MGAT4C: variants seen among roughly 807,000 people sequenced by gnomAD.
MGAT4C encodes the protein alpha-1,3-mannosyl-glycoprotein 4-beta-N-acetylglucosaminyltransferase C.
A neutral mutation model predicts 40.1 loss-of-function variants in MGAT4C; 19 were observed. The observed-to-expected ratio is 0.47, with a 90% CI of 0.33 to 0.70. The LOEUF (loss-of-function observed/expected upper bound fraction) is 0.70, where lower values mean the gene tolerates loss of function less well. Among genes scored for constraint, MGAT4C ranks in the 30% least tolerant of loss-of-function variants. The pLI, the probability that MGAT4C is intolerant of heterozygous loss-of-function variation, is 0.02. For synonymous variants in MGAT4C, 181 were observed against 187.1 expected (o/e 0.97, Z 0.27); for missense variants, 491 against 563.2 (o/e 0.87, Z 1.30).
At chr12:86,440,750 T>C (rs1411620332) in intron 2 of MGAT4C, among the ~76,000 whole-genome samples, 2 of 152,144 alleles carry the variant, frequency 1.3e-5, no homozygotes, top group Non-Finnish European at 2.9e-5. Flanking sequence ...AGAAGACTCC[T>C]AGAGTTGATA....
intron 1 of MGAT4C, among the ~76,000 whole-genome samples, chr12:86,792,385 G>A (rs1353748361): frequency 1.3e-5 from 2 of 152,078 alleles, no homozygotes; most frequent in Admixed American, 6.6e-5. Flanking sequence ...CTAGAAAGAT[G>A]AGCCAATACA....
chr12:86,770,371 G>C (rs1009282985), intron 1 of MGAT4C, among the ~76,000 whole-genome samples: 1 of 151,954 alleles, frequency 6.6e-6, no homozygotes, highest in Non-Finnish European at 1.5e-5. Flanking sequence ...CAATACTAGA[G>C]AGTAGTGACT....
chr12:86,020,693 A>G (rs1376507667), intron 2 of MGAT4C, among the ~76,000 whole-genome samples: 1 of 152,214 alleles, frequency 6.6e-6, no homozygotes, highest in African/African-American at 2.4e-5. Flanking sequence ...CTTCATGTCT[A>G]AAACACCAAA....
Position 86,482,767 on chromosome 12 carries a change from T to C in MGAT4C, c.-228-47502A>G, listed in dbSNP as rs141304790. ...GATTAATTAAGATGTCCAATGAAAT[T>C]ATAGTCATATATGATACAACGCATA... On this transcript the variant is annotated intron_variant, in intron 2 of 7. Transcript: ENST00000548651. 3.3e-3 allele frequency among the ~76,000 whole-genome samples: 500 copies of C among 152,270 alleles called. 3 individuals are homozygous for C. The highest frequency in any genetic ancestry group is 0.011 in the African/African-American group (478 of 41,580).
At chr12:86,574,047 CTTTT>C (rs147100046) in intron 2 of MGAT4C, among the ~76,000 whole-genome samples, 1 of 151,486 alleles carries the variant, frequency 6.6e-6, no homozygotes, top group Non-Finnish European at 1.5e-5. Flanking sequence ...TTTAGAGATA[CTTTT>C]TTTTCATTTC....
intron 2 of MGAT4C, among the ~76,000 whole-genome samples, chr12:86,498,201 C>G (rs1185153415): frequency 6.6e-6 from 1 of 151,084 alleles, no homozygotes; most frequent in Non-Finnish European, 1.5e-5. Context: ...CTATTTGAGA[C>G]TTATTTTAAA....
chr12:86,838,907 A>G (rs1187737506), upstream of MGAT4C: 1 of 152,220 alleles, frequency 6.6e-6, no homozygotes, highest in African/African-American at 2.4e-5. Context: ...GTGAAGATGA[A>G]TTGAAAACGC....
intron 2 of MGAT4C, among the ~76,000 whole-genome samples, chr12:86,546,419 G>T (rs1959193142): frequency 6.6e-6 from 1 of 151,792 alleles, no homozygotes; most frequent in Non-Finnish European, 1.5e-5. Context: ...TTGCATCTCT[G>T]CATGGACACT....
At chr12:86,159,656 C>A (rs375943202) in intron 1 of MGAT4C, among the ~76,000 whole-genome samples, 9 of 151,980 alleles carry the variant, frequency 5.9e-5, no homozygotes, top group African/African-American at 2.2e-4. Context: ...TCACCTGAAC[C>A]AGGGCTTTCG....
Position 86,082,507 on chromosome 12 carries a change from T to C in MGAT4C, c.-56-32784A>G, listed in dbSNP as rs116539202. On this transcript the variant is annotated intron_variant, in intron 1 of 4. Coordinates refer to ENST00000611864, the MANE Select transcript of MGAT4C (RefSeq NM_001351288.2). The stretch of plus-strand genomic sequence containing the variant: ...TCTTTTTTGTCAAATGTGAGATTTA[T>C]TTAAAAGAGATTTAGTGCAACACAG... Among the ~76,000 whole-genome samples the C allele has an allele frequency of 3.2e-3, 491 of 152,274 alleles. 3 individuals carry two copies. The highest frequency in any genetic ancestry group is 0.011 in the African/African-American group (459 of 41,564).
chr12:86,564,632 G>A (rs1960011108), intron 2 of MGAT4C, among the ~76,000 whole-genome samples: 2 of 152,218 alleles, frequency 1.3e-5, no homozygotes, highest in African/African-American at 4.8e-5. Flanking sequence ...GGATCCAGTG[G>A]TGTAGGGCCT....
intron 1 of MGAT4C, among the ~76,000 whole-genome samples, chr12:86,808,241 C>A (rs1161103938): frequency 2.0e-5 from 3 of 152,126 alleles, no homozygotes; most frequent in East Asian, 3.9e-4. Context: ...CTATTCCAAG[C>A]AATTGAAAGG....
At chr12:86,426,014 C>T (rs889382165) in intron 3 of MGAT4C, among the ~76,000 whole-genome samples, 7 of 151,956 alleles carry the variant, frequency 4.6e-5, no homozygotes, top group African/African-American at 1.7e-4. Context: ...AAAAAGTTTT[C>T]CTCTTTTTAT....
intron 1 of MGAT4C, among the ~76,000 whole-genome samples, chr12:86,731,018 G>A (rs1950899293): frequency 6.6e-6 from 1 of 152,112 alleles, no homozygotes; most frequent in Non-Finnish European, 1.5e-5. Context: ...ACTAGTTAGT[G>A]AGTGTCAAAG....
chr12:86,624,096 C>T (rs573761278), intron 2 of MGAT4C, among the ~76,000 whole-genome samples: 4 of 152,064 alleles, frequency 2.6e-5, no homozygotes, highest in Non-Finnish European at 5.9e-5. Flanking sequence ...GGTGTTTGGA[C>T]ATATGTCATA....
At chr12:86,324,846 G>T in intron 4 of MGAT4C, among the ~76,000 whole-genome samples, 1 of 152,058 alleles carries the variant, frequency 6.6e-6, no homozygotes, top group East Asian at 1.9e-4. Context: ...GAAGTACTTG[G>T]ATAACAGTCT....
At chr12:86,490,497 A>T (rs1264723984) in intron 2 of MGAT4C, among the ~76,000 whole-genome samples, 1 of 152,144 alleles carries the variant, frequency 6.6e-6, no homozygotes, top group East Asian at 1.9e-4. Flanking sequence ...CATCGAGACT[A>T]GGAAGAAACT....
intron 2 of MGAT4C, among the ~76,000 whole-genome samples, chr12:86,489,963 T>TGA (rs1239327233): frequency 6.6e-6 from 1 of 152,058 alleles, no homozygotes; most frequent in Non-Finnish European, 1.5e-5. Flanking sequence ...TACCTGAAAG[T>TGA]GACGGGGAGA....
At chr12:86,380,501 C>T (rs759538229) in intron 3 of MGAT4C, among the ~76,000 whole-genome samples, 46 of 152,074 alleles carry the variant, frequency 3.0e-4, no homozygotes, top group African/African-American at 4.6e-4. Context: ...ATGATGACTT[C>T]GTTTGGTAGA....
Sources: gnomAD v4.1 joint callset for allele counts (sites outside exome capture counted in the v4.1 genomes callset) on GRCh38, gnomAD v4.1.1 for gene constraint, MANE v1.5 for transcripts, NCBI Gene and HGNC (gene_info 2026-07-23, HGNC 2026-07-21) for gene names.